The following MCU variants were observed in gnomAD, a reference collection of about 807,000 sequenced individuals.
MCU encodes the protein calcium uniporter protein, mitochondrial.
A neutral mutation model predicts 45.2 loss-of-function variants in MCU; 12 were observed. That is an observed-to-expected ratio of 0.27 (90% CI 0.17 to 0.43). MCU has a LOEUF of 0.43. MCU is among the 20% of genes least tolerant of loss of function. The pLI is 1.00. For missense variants in MCU, 324 were observed against 436.7 expected (o/e 0.74, Z 2.30); for synonymous variants, 160 against 165.1 (o/e 0.97, Z 0.24).
Position 72,876,921 on chromosome 10 carries a change from G to GTTT in MCU, c.861+5357_861+5359dup, listed in dbSNP as rs11365046. ...TTCTCTCACTTAGTATCAAATCACA[G>GTTT]TTTTTTTTTTTTTTTTTTGAGACAG... On this transcript the variant is annotated intron_variant, in intron 6 of 7. Transcript: ENST00000373053. Among the ~76,000 whole-genome samples, 285 of 134,206 alleles carry GTTT rather than the reference G, an allele frequency of 2.1e-3. 1 individual carries two copies. The highest frequency in any genetic ancestry group is 3.9e-3 in the Middle Eastern group (1 of 258). The allele number at this position is 134,206 out of a possible 152,430, so 88.0% of individuals were successfully genotyped here.
chr10:72,798,009 A>G lies in MCU; in HGVS notation c.151-36350A>G, dbSNP rs184083615. On this transcript the variant is annotated intron_variant, in intron 1 of 7. Coordinates refer to ENST00000373053, the MANE Select transcript of MCU (RefSeq NM_138357.3). ...ATTATCTAACTTCCATGAGCTTCAG[A>G]TTGACCAAAAAAAAGTACTAATATA... Among the ~76,000 whole-genome samples, 477 of 152,202 alleles carry G rather than the reference A, an allele frequency of 3.1e-3. 1 individual carries two copies. The highest frequency in any genetic ancestry group is 3.6e-3 in the Non-Finnish European group (247 of 68,012).
chr10:72,742,056 A>G (rs1441464904), intron 1 of MCU, among the ~76,000 whole-genome samples: 3 of 150,132 alleles, frequency 2.0e-5, no homozygotes, highest in Non-Finnish European at 4.4e-5. Flanking sequence ...CAAAAACGAC[A>G]TTGCAGTCAA....
chr10:72,732,580 C>T (rs1021349591), intron 1 of MCU, among the ~76,000 whole-genome samples: 1 of 152,120 alleles, frequency 6.6e-6, no homozygotes, highest in African/African-American at 2.4e-5. Context: ...TCTAGAATTC[C>T]TGTGGGAATC....
intron 2 of MCU, among the ~76,000 whole-genome samples, chr10:72,839,963 CAAAAAAA>C (rs34053459): frequency 2.6e-5 from 2 of 76,288 alleles, no homozygotes; most frequent in South Asian, 1.0e-3. Context: ...GACTCCGTCT[CAAAAAAA>C]AAAAAAAAAA....
chr10:72,739,169 G>A (rs1222426719), intron 1 of MCU, among the ~76,000 whole-genome samples: 1 of 152,036 alleles, frequency 6.6e-6, no homozygotes, highest in Non-Finnish European at 1.5e-5. Flanking sequence ...AGAGAGTCTA[G>A]GTGTAATGTG....
chr10:72,750,537 G>A (rs1192022035), intron 1 of MCU, among the ~76,000 whole-genome samples: 1 of 152,192 alleles, frequency 6.6e-6, no homozygotes, highest in African/African-American at 2.4e-5. Flanking sequence ...GTGGATGGGT[G>A]TCTAACTGCA....
At chr10:72,762,452 A>G (rs1843669091) in intron 1 of MCU, among the ~76,000 whole-genome samples, 2 of 151,982 alleles carry the variant, frequency 1.3e-5, no homozygotes, top group East Asian at 3.9e-4. Context: ...TAAACTACAT[A>G]CATGCAAGTT....
chr10:72,701,383 T>A (rs1429458735), intron 1 of MCU, among the ~76,000 whole-genome samples: 1 of 152,214 alleles, frequency 6.6e-6, no homozygotes, highest in Non-Finnish European at 1.5e-5. Context: ...GATTTAAGCC[T>A]GAGTCTGGCT....
chr10:72,878,987 G>C (rs1304014517), intron 6 of MCU, among the ~76,000 whole-genome samples: 1 of 152,172 alleles, frequency 6.6e-6, no homozygotes, highest in Admixed American at 6.5e-5. Context: ...AATCTGACTG[G>C]GCGCGGTGGC....
rs529520954 is a variant in MCU, at chr10:72,839,259, G to A, written c.220+4831G>A. Among the ~76,000 whole-genome samples the A allele has an allele frequency of 5.9e-5, 9 of 152,240 alleles. No homozygotes were observed. The South Asian group carries it at 1.9e-3, about 32-fold the overall frequency. ...CCCACCTCAGTCTCACAAAGTGCTG[G>A]GATTACAGGGGTGAGCCACTGTGGC... On this transcript the variant is annotated intron_variant, in intron 2 of 7. Coordinates refer to ENST00000373053, the MANE Select transcript of MCU (RefSeq NM_138357.3).
intron 2 of MCU, among the ~76,000 whole-genome samples, chr10:72,855,488 A>G (rs1257835882): frequency 6.6e-6 from 1 of 152,140 alleles, no homozygotes; most frequent in East Asian, 1.9e-4. Context: ...AAGCTGAGGT[A>G]GGAGGATCAC....
chr10:72,752,255 A>AT (rs35514755), intron 1 of MCU, among the ~76,000 whole-genome samples: 7,844 of 139,550 alleles, frequency 0.056, 263 homozygotes, highest in Non-Finnish European at 0.07. Context: ...ACAGGTCCAG[A>AT]TTTTTTTTTT....
Position 72,730,743 on chromosome 10 carries a change from C to T in MCU, c.150+38442C>T, listed in dbSNP as rs576346830. 11 of 152,286 alleles carry T rather than the reference C, an allele frequency of 7.2e-5. 1 individual carries two copies. In the South Asian group the frequency reaches 2.3e-3, roughly 32 times the overall value. 9.4% of individuals were successfully genotyped at this position (152,286 alleles called of 1,614,324 possible). A position where few individuals can be genotyped will look rare whatever the true frequency, so the allele number is the denominator to read the frequency against. On this transcript the variant is annotated intron_variant, in intron 1 of 7. Transcript: ENST00000373053. ...AAATGAGAAGACAAAATCCCTTTTC[C>T]CATGTGTATATCATTTGGATTTTTC...
intron 1 of MCU, among the ~76,000 whole-genome samples, chr10:72,693,783 G>A (rs539783796): frequency 6.6e-6 from 1 of 152,184 alleles, no homozygotes; most frequent in Non-Finnish European, 1.5e-5. Flanking sequence ...CTAGTTATGT[G>A]TTTTGTTCTC....
At chr10:72,710,570 T>TGGA (rs1842879827) in intron 1 of MCU, among the ~76,000 whole-genome samples, 1 of 148,400 alleles carries the variant, frequency 6.7e-6, no homozygotes, top group Non-Finnish European at 1.5e-5. Context: ...TTTTTTTTTT[T>TGGA]GGTGGAGGTG....
At chr10:72,715,497 A>G (rs1178825785) in intron 1 of MCU, among the ~76,000 whole-genome samples, 5 of 152,168 alleles carry the variant, frequency 3.3e-5, no homozygotes, top group African/African-American at 1.2e-4. Context: ...AACAACCCCA[A>G]TAAATCAGAA....
intron 1 of MCU, among the ~76,000 whole-genome samples, chr10:72,724,283 T>G (rs1249530058): frequency 6.6e-6 from 1 of 152,198 alleles, no homozygotes; most frequent in Admixed American, 6.5e-5. Context: ...TACTAAACTT[T>G]CTGACTGGTG....
chr10:72,844,985 A>T (rs957361546), intron 2 of MCU, among the ~76,000 whole-genome samples: 15 of 152,206 alleles, frequency 9.9e-5, no homozygotes, highest in African/African-American at 3.6e-4. Context: ...GAGTAAAGCT[A>T]TATAAAAAAC....
intron 1 of MCU, among the ~76,000 whole-genome samples, chr10:72,714,894 C>T (rs1036160803): frequency 5.9e-5 from 9 of 152,224 alleles, no homozygotes; most frequent in South Asian, 4.2e-4. Context: ...GAGTTTCTTA[C>T]GGTCAATCTG....
Sources: allele counts gnomAD v4.1 joint callset (sites outside exome capture counted in the v4.1 genomes callset), GRCh38; gene constraint gnomAD v4.1.1; transcripts MANE v1.5; gene names NCBI Gene and HGNC (gene_info 2026-07-23, HGNC 2026-07-21).